Variants in ERI2 observed in about 807,000 individuals in gnomAD.
ERI2 encodes the protein ERI1 exoribonuclease 2.
ERI2 carries 35 observed loss-of-function variants against 46.8 expected under a neutral mutation model. The observed-to-expected ratio is 0.75, with a 90% CI of 0.57 to 0.99. The LOEUF is 0.99. Among genes scored for constraint, ERI2 ranks in the 50% least tolerant of loss-of-function variants. The probability of loss-of-function intolerance (pLI) is 0.00; values close to 1 mark genes in which losing one functional copy is unlikely to be tolerated. For missense variants in ERI2, 695 were observed against 796.2 expected, an observed-to-expected ratio of 0.87 and a Z score of 1.53; for synonymous variants, 224 against 271.0, an observed-to-expected ratio of 0.83 and a Z score of 1.70.
intron 3 of ERI2, 86 bp from the exon 4 acceptor site, chr16:20,803,009 TTTAA>T: frequency 7.4e-7 from 1 of 1,350,184 alleles, no homozygotes; most frequent in South Asian, 1.8e-5. Context: ...ATGTTACCAT[TTTAA>T]TTAAACAACC....
At chr16:20,801,940 G>A (rs2080800109) in intron 4 of ERI2, among the ~76,000 whole-genome samples, 1 of 151,812 alleles carries the variant, frequency 6.6e-6, no homozygotes, top group African/African-American at 2.4e-5. Flanking sequence ...TGTATTTTTA[G>A]TAGAGACGGG....
At position 20,800,044 on chromosome 16, in the gene ERI2, C is replaced by A. The variant is rs1410234561; in HGVS notation, c.562-6G>T. 6 of 1,528,382 alleles carry A rather than the reference C, an allele frequency of 3.9e-6. No homozygotes were observed. Among genetic ancestry groups the A allele is most frequent in the Admixed American group, 3.7e-5 (2 of 53,626 alleles). 94.7% of individuals were successfully genotyped at this position (1,528,382 alleles called of 1,614,324 possible). A position where few individuals can be genotyped will look rare whatever the true frequency, so the allele number is the denominator to read the frequency against. ...GGTTTTCTCCTATAGAAAAGCTAAC[C>A]AATAAAAAAAGATATATTTAAAAGA... On this transcript the variant is annotated splice_polypyrimidine_tract_variant and splice_region_variant and intron_variant, in intron 6 of 8. Transcript: ENST00000357967.
At chr16:20,804,848 T>C (rs1402981670) in intron 1 of ERI2, among the ~76,000 whole-genome samples, 1 of 152,100 alleles carries the variant, frequency 6.6e-6, no homozygotes, top group East Asian at 1.9e-4. Flanking sequence ...TAAATATCAT[T>C]TATTGACTGC....
Position 20,800,041 on chromosome 16 carries a change from A to C in ERI2, c.562-3T>G. On this transcript the variant is annotated splice_polypyrimidine_tract_variant and splice_region_variant and intron_variant, in intron 6 of 8. Transcript: ENST00000357967. Reference sequence around the variant, plus strand: ...TTTGGTTTTCTCCTATAGAAAAGCTAACCAATAAAAAAAGATATATTTAAA... The same window carrying C: ...TTTGGTTTTCTCCTATAGAAAAGCTCACCAATAAAAAAAGATATATTTAAA... The C allele has an allele frequency of 6.5e-7, 1 of 1,538,112 alleles. No homozygotes were observed. Among genetic ancestry groups the C allele is most frequent in the Non-Finnish European group, 8.9e-7 (1 of 1,122,144 alleles).
intron 10 of ERI2, among the ~76,000 whole-genome samples, chr16:20,784,145 T>C (rs938600759): frequency 6.6e-6 from 1 of 152,240 alleles, no homozygotes; most frequent in Non-Finnish European, 1.5e-5. Flanking sequence ...ATCACAAGAT[T>C]CACACAGTTC....
At chr16:20,791,212 A>T (rs988680526) in intron 8 of ERI2, among the ~76,000 whole-genome samples, 4 of 152,316 alleles carry the variant, frequency 2.6e-5, no homozygotes, top group Non-Finnish European at 4.4e-5. Flanking sequence ...AGTGTATTTG[A>T]TATAATGTAA....
intron 1 of ERI2, chr16:20,805,936 T>C (rs1336230110): frequency 5.0e-6 from 5 of 1,006,630 alleles, no homozygotes; most frequent in African/African-American, 1.7e-5. Flanking sequence ...TGCTGGCGAG[T>C]GTACCCTTTC....
At chr16:20,784,894 T>C (rs1057127766) in intron 10 of ERI2, 37 of 1,441,128 alleles carry the variant, frequency 2.6e-5, no homozygotes, top group Non-Finnish European at 3.1e-5. Flanking sequence ...GACTAAAACA[T>C]TTTATATTGA....
chr16:20,803,157 A>ATTT (rs2080813921), intron 3 of ERI2, among the ~76,000 whole-genome samples: 2 of 152,246 alleles, frequency 1.3e-5, no homozygotes, highest in African/African-American at 4.8e-5. Context: ...AAATAAATAT[A>ATTT]AAAACCATAT....
chr16:20,792,002 GATAATCCTTCAAAAAC>G, downstream of ERI2: 1 of 1,613,912 alleles, frequency 6.2e-7, no homozygotes, highest in East Asian at 2.2e-5. Context: ...TGTTTTGCAG[GATAATCCTTCAAAAAC>G]AGCTTCAACT....
At chr16:20,783,702 T>A (rs1392988910) in intron 10 of ERI2, 2 of 152,216 alleles carry the variant, frequency 1.3e-5, no homozygotes, top group Non-Finnish European at 2.9e-5. Context: ...GCTTCAAACC[T>A]TGTCCCCAGT....
chr16:20,793,641 G>A (rs2152489648), downstream of ERI2, among the ~76,000 whole-genome samples: 1 of 152,316 alleles, frequency 6.6e-6, no homozygotes, highest in African/African-American at 2.4e-5. Flanking sequence ...ATAGCCCAGT[G>A]GCTGGGAATT....
chr16:20,793,624 T>C (rs2080653262), downstream of ERI2, among the ~76,000 whole-genome samples: 1 of 152,196 alleles, frequency 6.6e-6, no homozygotes, highest in Non-Finnish European at 1.5e-5. Flanking sequence ...CCAAAGTTGT[T>C]CCAGATATAG....
intron 8 of ERI2, 80 bp from the exon 9 acceptor site, chr16:20,799,147 A>G (rs1227600294): frequency 6.7e-7 from 1 of 1,498,170 alleles, no homozygotes; most frequent in East Asian, 2.4e-5. Flanking sequence ...TTATGACAAA[A>G]AAGAGAAATG....
chr16:20,792,456 T>A, downstream of ERI2: 4 of 1,539,376 alleles, frequency 2.6e-6, no homozygotes, highest in Non-Finnish European at 2.6e-6. Context: ...GCAAGTCAGA[T>A]AGAAATATGC....
chr16:20,798,577 C>A lies in ERI2; in HGVS notation c.1223G>T (p.Trp408Leu), dbSNP rs765664853. The change falls in exon 9 of 9, where the codon TGG (tryptophan) becomes TTG (leucine). Residue 408 changes from tryptophan to leucine, a missense_variant. Transcript: ENST00000357967. ...TLDCLPVLAD[W>L]EDVVLLPASQ... Reference sequence around the variant, plus strand: ...TGCTGGCAGTAAAACCACATCCTCCCAATCAGCCAACACAGGTAAACAGTC... The same window carrying A: ...TGCTGGCAGTAAAACCACATCCTCCAAATCAGCCAACACAGGTAAACAGTC... 1 of 1,551,588 alleles carries A rather than the reference C, an allele frequency of 6.4e-7. No homozygotes were observed.
chr16:20,800,148 T>C (rs1053715198), intron 6 of ERI2, 110 bp from the exon 7 acceptor site: 1 of 882,564 alleles, frequency 1.1e-6, no homozygotes. Flanking sequence ...TGCTTATTTT[T>C]TGTGTGTTGT....
In ERI2 at chr16:20,797,010, T is replaced by C; in HGVS notation, c.*714A>G. ...AATTACCATATCTATAAAACAAACA[T>C]AGTATCTGTCAATCTCTAGAAACCA... On this transcript the variant is annotated 3_prime_UTR_variant, in exon 9 of 9. Transcript: ENST00000357967. 6.2e-7 allele frequency: 1 copy of C among 1,601,302 alleles called. No homozygotes were observed. The highest frequency in any genetic ancestry group is 2.3e-5 in the East Asian group (1 of 44,376).
At position 20,798,957 on chromosome 16, in the gene ERI2, CTTA is replaced by C. The variant is rs1183622915; in HGVS notation, c.840_842del (p.Asn280del). 33 of 1,550,364 alleles carry C rather than the reference CTTA, an allele frequency of 2.1e-5. No individual in the cohort carries two copies. The highest frequency in any genetic ancestry group is 2.8e-5 in the Non-Finnish European group (32 of 1,146,692). ...GAGGATTTATTATATTTTTAGGCTC[CTTA>C]TTATATATGCTGGGACCCTGGATGC... On this transcript the variant is annotated inframe_deletion, in exon 9 of 9. Transcript: ENST00000357967.
Sources: gnomAD v4.1 joint callset for allele counts (sites outside exome capture counted in the v4.1 genomes callset) on GRCh38, gnomAD v4.1.1 for gene constraint, MANE v1.5 for transcripts, NCBI Gene and HGNC (gene_info 2026-07-23, HGNC 2026-07-21) for gene names.